Variants in BOC observed in about 807,000 individuals in gnomAD.
The protein encoded by BOC is BOC cell adhesion associated, oncogene regulated.
In BOC, 76 loss-of-function variants were observed where a neutral mutation model predicts 112.0. The observed-to-expected ratio is 0.68, with a 90% CI of 0.56 to 0.82. The LOEUF is 0.82. Among genes scored for constraint, BOC ranks in the 40% least tolerant of loss-of-function variants. BOC has a pLI of 0.00. For synonymous variants in BOC, 580 were observed against 599.8 expected (o/e 0.97, Z 0.48); for missense variants, 1,309 against 1,511.7 (o/e 0.87, Z 2.22).
chr3:113,268,848 T>G (rs1947804019), intron 5 of BOC, among the ~76,000 whole-genome samples: 1 of 152,150 alleles, frequency 6.6e-6, no homozygotes. Context: ...GCTCAAGCAA[T>G]CTTCCCGCTT....
At chr3:113,246,361 A>G (rs1559834447) in intron 2 of BOC, among the ~76,000 whole-genome samples, 1 of 152,226 alleles carries the variant, frequency 6.6e-6, no homozygotes, top group South Asian at 2.1e-4. Context: ...CATTGCCAAG[A>G]AAAATAATAG....
chr3:113,255,325 C>T (rs1207954976), intron 4 of BOC, among the ~76,000 whole-genome samples: 1 of 152,164 alleles, frequency 6.6e-6, no homozygotes, highest in East Asian at 1.9e-4. Flanking sequence ...GCACTCCACT[C>T]CTTCTTACTG....
intron 2 of BOC, among the ~76,000 whole-genome samples, chr3:113,238,355 A>G (rs1160756921): frequency 6.6e-6 from 1 of 152,232 alleles, no homozygotes; most frequent in African/African-American, 2.4e-5. Flanking sequence ...GGGAGCAATC[A>G]GAGTTGTGTC....
intron 2 of BOC, among the ~76,000 whole-genome samples, chr3:113,241,409 G>T (rs1944271401): frequency 6.6e-6 from 1 of 151,994 alleles, no homozygotes; most frequent in Non-Finnish European, 1.5e-5. Flanking sequence ...TGTGGATGCT[G>T]CAGCCCTCTC....
rs1576478331 is a variant in BOC at position 113,273,320 on chromosome 3, C to G, written c.1213C>G (p.Gln405Glu). 1 of 1,592,948 alleles carries G rather than the reference C, an allele frequency of 6.3e-7. No individual in the cohort carries two copies. Among genetic ancestry groups the G allele is most frequent in the East Asian group, 2.3e-5 (1 of 44,288 alleles). Residue 405 changes from glutamine to glutamate, a missense_variant, in exon 8 of 20, where the codon CAG (glutamine) becomes GAG (glutamate). By Grantham distance (29) the Gln-to-Glu change is conservative. Coordinates refer to ENST00000682979, the MANE Select transcript of BOC (RefSeq NM_001378074.1). Reference protein sequence around the residue: ...NEVGSAHAVVQLRTSRPSITP... With the variant: ...NEVGSAHAVVELRTSRPSITP... ...GGTTGGGAGCGCCCATGCCGTAGTCCAGCTGCGGACCTCCAGGCCAAGTGA... is the reference window on the plus strand; with the variant it reads ...GGTTGGGAGCGCCCATGCCGTAGTCGAGCTGCGGACCTCCAGGCCAAGTGA...
chr3:113,265,176 C>G (rs779319935), intron 4 of BOC, among the ~76,000 whole-genome samples: 1 of 152,194 alleles, frequency 6.6e-6, no homozygotes, highest in Non-Finnish European at 1.5e-5. Flanking sequence ...ATGCTCCCTC[C>G]GTGCCTGGAT....
chr3:113,283,303 C>A, intron 15 of BOC, 108 bp from the exon 16 acceptor site: 1 of 1,127,238 alleles, frequency 8.9e-7, no homozygotes, highest in Non-Finnish European at 1.3e-6. Context: ...TCTAGTGAGT[C>A]TGACCCCATT....
At chr3:113,276,098 A>G (rs953899757) in intron 9 of BOC, among the ~76,000 whole-genome samples, 4 of 152,164 alleles carry the variant, frequency 2.6e-5, no homozygotes, top group African/African-American at 4.8e-5. Context: ...CTATTTCCCC[A>G]TGTAACTGGA....
At chr3:113,272,377 C>T (rs764119165) in intron 6 of BOC, 33 bp from the exon 7 acceptor site, 77 of 1,602,332 alleles carry the variant, frequency 4.8e-5, no homozygotes, top group Middle Eastern at 1.7e-4. Context: ...CTGGTCCACA[C>T]GCCTTCTGTC....
intron 3 of BOC, among the ~76,000 whole-genome samples, chr3:113,250,293 C>T (rs1945453191): frequency 6.6e-6 from 1 of 152,184 alleles, no homozygotes; most frequent in African/African-American, 2.4e-5. Context: ...TCACATGGCT[C>T]AGAAGTAGTG....
rs1949727212 is a variant in BOC at position 113,286,655 on chromosome 3, C to T, written c.3161-20C>T. On this transcript the variant is annotated intron_variant, in intron 19 of 19. Transcript: ENST00000682979. ...TCGGTCAATCTGGATTTTAATGGTT[C>T]CTACTCTTTCTCCCCTCAGGGCCCC... 3.2e-6 allele frequency: 5 copies of T among 1,544,756 alleles called. No homozygotes were observed. The African/African-American group carries it at 5.6e-5, about 17-fold the overall frequency.
intron 2 of BOC, among the ~76,000 whole-genome samples, chr3:113,224,541 A>C (rs1164202767): frequency 2.7e-5 from 4 of 146,028 alleles, no homozygotes; most frequent in Non-Finnish European, 6.0e-5. Flanking sequence ...ATTTAAGAGA[A>C]AGGAAAGTGC....
chr3:113,252,817 C>T (rs1034455260), intron 4 of BOC, among the ~76,000 whole-genome samples: 3 of 152,106 alleles, frequency 2.0e-5, no homozygotes, highest in East Asian at 1.9e-4. Flanking sequence ...TGCCTGGCCT[C>T]GGGGAGCAGC....
intron 2 of BOC, among the ~76,000 whole-genome samples, chr3:113,219,382 T>G (rs1054908818): frequency 1.3e-5 from 2 of 152,206 alleles, no homozygotes; most frequent in Non-Finnish European, 2.9e-5. Flanking sequence ...AGGCCTTGTG[T>G]TAAAGCACTC....
intron 18 of BOC, among the ~76,000 whole-genome samples, 188 bp downstream of exon 18, chr3:113,285,046 C>T (rs751142529): frequency 1.6e-4 from 24 of 152,274 alleles, no homozygotes; most frequent in Non-Finnish European, 2.9e-4. Flanking sequence ...TTGCGATGCC[C>T]TTTCTGCCTG....
intron 14 of BOC, 34 bp from the exon 15 acceptor site, chr3:113,280,997 T>C (rs775142323): frequency 1.2e-6 from 2 of 1,611,528 alleles, no homozygotes; most frequent in Admixed American, 1.7e-5. Flanking sequence ...CATATACACA[T>C]TGCCATGCAC....
At chr3:113,256,333 C>T (rs1030971510) in intron 4 of BOC, among the ~76,000 whole-genome samples, 4 of 152,150 alleles carry the variant, frequency 2.6e-5, no homozygotes, top group South Asian at 2.1e-4. Context: ...TTTCTTAGTT[C>T]CTTATATACA....
intron 4 of BOC, among the ~76,000 whole-genome samples, chr3:113,266,610 G>T (rs9873004): frequency 6.6e-6 from 1 of 152,126 alleles, no homozygotes; most frequent in Admixed American, 6.5e-5. Flanking sequence ...TACCTAACTC[G>T]TGGGGCTCAG....
At chr3:113,234,920 GTTC>G (rs1276340734) in intron 2 of BOC, among the ~76,000 whole-genome samples, 5 of 152,204 alleles carry the variant, frequency 3.3e-5, no homozygotes, top group Admixed American at 6.5e-5. Flanking sequence ...AATACACTGT[GTTC>G]TTCTCAGGGC....
Sources: gnomAD v4.1 joint callset for allele counts (sites outside exome capture counted in the v4.1 genomes callset) on GRCh38, gnomAD v4.1.1 for gene constraint, MANE v1.5 for transcripts, NCBI Gene and HGNC (gene_info 2026-07-23, HGNC 2026-07-21) for gene names.